Variants in CACNB2 observed in about 807,000 individuals in gnomAD.
CACNB2 encodes the protein voltage-dependent L-type calcium channel subunit beta-2.
In CACNB2, 42 loss-of-function variants were observed where a neutral mutation model predicts 73.3. That is an observed-to-expected ratio of 0.57 (90% CI 0.45 to 0.74). The LOEUF (loss-of-function observed/expected upper bound fraction) is 0.74. Ranked by LOEUF, CACNB2 falls within the 30% of genes least tolerant of loss-of-function variation. CACNB2 has a pLI of 0.00. For missense variants in CACNB2, 940 were observed against 853.0 expected, an observed-to-expected ratio of 1.10 and a Z score of -1.27; for synonymous variants, 348 against 310.3, an observed-to-expected ratio of 1.12 and a Z score of -1.28.
intron 5 of CACNB2, among the ~76,000 whole-genome samples, chr10:18,503,468 C>T (rs1342338377): frequency 1.3e-5 from 2 of 152,072 alleles, no homozygotes; most frequent in African/African-American, 4.8e-5. Context: ...TGGTGGTGCA[C>T]ACCTGTAACC....
chr10:18,481,232 T>A (rs7894435), intron 3 of CACNB2, among the ~76,000 whole-genome samples: 304 of 18,562 alleles, frequency 0.016, no homozygotes, highest in East Asian at 0.06. Flanking sequence ...ATATATATAT[T>A]TTTTTTTTTT....
intron 2 of CACNB2, among the ~76,000 whole-genome samples, chr10:18,311,123 G>A (rs2039948270): frequency 6.6e-6 from 1 of 151,980 alleles, no homozygotes; most frequent in African/African-American, 2.4e-5. Context: ...GTTTAAGTTT[G>A]CTTAAGTTCC....
chr10:18,462,688 T>C (rs968155345), intron 3 of CACNB2, among the ~76,000 whole-genome samples: 1 of 152,206 alleles, frequency 6.6e-6, no homozygotes, highest in African/African-American at 2.4e-5. Context: ...CTTTTTACTG[T>C]TAAAAAGTGA....
intron 2 of CACNB2, 97 bp from the exon 3 acceptor site, chr10:18,401,827 A>G: frequency 8.2e-7 from 1 of 1,214,202 alleles, no homozygotes; most frequent in Non-Finnish European, 1.2e-6. Context: ...AGGAAAGTAT[A>G]GAACAATCCG....
chr10:18,539,146 A>G, intron 13 of CACNB2, 84 bp from the exon 14 acceptor site: 1 of 1,557,430 alleles, frequency 6.4e-7, no homozygotes, highest in Non-Finnish European at 8.8e-7. Flanking sequence ...CTTAAAAAGG[A>G]CTCTGCTTGA....
rs149362070 is a variant in CACNB2, at chr10:18,345,240, T to C, written c.214-56684T>C. ...GAATGTTCTTATAAGTCCCTGGCTA[T>C]GCTTTTGATATCTTTTTTTCCAAAT... is the stretch of plus-strand genomic sequence containing the variant. On this transcript the variant is annotated intron_variant, in intron 2 of 13. Transcript: ENST00000324631. Among the ~76,000 whole-genome samples, 352 of 152,354 alleles carry C rather than the reference T, an allele frequency of 2.3e-3. 3 individuals carry two copies. The highest frequency in any genetic ancestry group is 7.9e-3 in the African/African-American group (328 of 41,580).
chr10:18,526,888 G>T (rs539999843), intron 9 of CACNB2, among the ~76,000 whole-genome samples: 1 of 152,218 alleles, frequency 6.6e-6, no homozygotes, highest in South Asian at 2.1e-4. Context: ...AGGAGTCTGG[G>T]TTCAAATCCC....
At chr10:18,503,995 G>A (rs920402289) in intron 5 of CACNB2, among the ~76,000 whole-genome samples, 5 of 152,204 alleles carry the variant, frequency 3.3e-5, no homozygotes, top group Admixed American at 1.3e-4. Context: ...GAAAATTTGG[G>A]ATGGATTTTT....
intron 3 of CACNB2, among the ~76,000 whole-genome samples, chr10:18,493,378 G>T (rs1589533610): frequency 6.6e-6 from 1 of 152,146 alleles, no homozygotes; most frequent in South Asian, 2.1e-4. Context: ...ATGTTGGTCA[G>T]GCTGGTCTCA....
intron 9 of CACNB2, chr10:18,519,938 C>A (rs1589654332): frequency 3.0e-6 from 1 of 337,344 alleles, no homozygotes; most frequent in East Asian, 8.4e-5. Context: ...AAATACTTTG[C>A]TTGGTTTCTG....
At chr10:18,149,705 A>G (rs1439668514) in intron 1 of CACNB2, among the ~76,000 whole-genome samples, 1 of 152,224 alleles carries the variant, frequency 6.6e-6, no homozygotes, top group Non-Finnish European at 1.5e-5. Context: ...ATGATTTTAA[A>G]AATAAATGTT....
At chr10:18,172,766 C>G (rs925002321) in intron 2 of CACNB2, among the ~76,000 whole-genome samples, 1 of 152,042 alleles carries the variant, frequency 6.6e-6, no homozygotes, top group Non-Finnish European at 1.5e-5. Context: ...CTGTGTTTGT[C>G]CTGCATGTAA....
intron 1 of CACNB2, among the ~76,000 whole-genome samples, chr10:18,146,940 A>G (rs1249823054): frequency 1.3e-5 from 2 of 152,090 alleles, no homozygotes; most frequent in East Asian, 1.9e-4. Flanking sequence ...AAGTGTCAGT[A>G]TTTTGCTCAT....
chr10:18,272,619 T>C (rs973542121), intron 2 of CACNB2, among the ~76,000 whole-genome samples: 3 of 151,664 alleles, frequency 2.0e-5, no homozygotes, highest in Non-Finnish European at 4.4e-5. Context: ...GGGCAGATTT[T>C]TCTCATGCTG....
chr10:18,487,284 T>G (rs1045168984), intron 3 of CACNB2, among the ~76,000 whole-genome samples: 4 of 152,188 alleles, frequency 2.6e-5, no homozygotes, highest in African/African-American at 9.6e-5. Context: ...TTGGCACAGC[T>G]GCGGCATTTA....
intron 6 of CACNB2, among the ~76,000 whole-genome samples, chr10:18,512,615 C>T (rs1250957039): frequency 6.6e-6 from 1 of 152,134 alleles, no homozygotes; most frequent in Non-Finnish European, 1.5e-5. Flanking sequence ...TAAATGATAA[C>T]TAGGCCTAAA....
intron 2 of CACNB2, among the ~76,000 whole-genome samples, chr10:18,192,180 T>G (rs1329715547): frequency 6.6e-6 from 1 of 151,980 alleles, no homozygotes; most frequent in African/African-American, 2.4e-5. Context: ...TGGTATAGCT[T>G]TGGATCAAAG....
At chr10:18,348,457 A>G (rs1240212147) in intron 2 of CACNB2, among the ~76,000 whole-genome samples, 1 of 152,160 alleles carries the variant, frequency 6.6e-6, no homozygotes, top group Non-Finnish European at 1.5e-5. Flanking sequence ...GGATGGATGG[A>G]CGGACGGATG....
Position 18,383,529 on chromosome 10 carries a change from C to G in CACNB2, c.214-18395C>G, listed in dbSNP as rs1052212133. Among the ~76,000 whole-genome samples, 3 of 152,180 alleles carry G rather than the reference C, an allele frequency of 2.0e-5. No homozygotes were observed. The East Asian group carries it at 5.8e-4, about 29-fold the overall frequency. ...GCAATATCGTCTTCATGTGCCAAGCCCTGTGCTAGGTCTTGGGGATTCAGC... is the reference window on the plus strand; with the variant it reads ...GCAATATCGTCTTCATGTGCCAAGCGCTGTGCTAGGTCTTGGGGATTCAGC... On this transcript the variant is annotated intron_variant, in intron 2 of 13. Coordinates refer to ENST00000324631, the MANE Select transcript of CACNB2 (RefSeq NM_201596.3).
Sources: gnomAD v4.1 joint callset for allele counts (sites outside exome capture counted in the v4.1 genomes callset) on GRCh38, gnomAD v4.1.1 for gene constraint, MANE v1.5 for transcripts, NCBI Gene and HGNC (gene_info 2026-07-23, HGNC 2026-07-21) for gene names.